MAP3K20: variants seen among roughly 807,000 people sequenced by gnomAD.
MAP3K20 encodes mitogen-activated protein kinase kinase kinase 20.
A neutral mutation model predicts 85.7 loss-of-function variants in MAP3K20; 40 were observed. That is an observed-to-expected ratio of 0.47 (90% confidence interval 0.36 to 0.61). The LOEUF is 0.61. Among genes scored for constraint, MAP3K20 ranks in the 20% least tolerant of loss-of-function variants. MAP3K20 has a pLI of 0.00. For synonymous variants in MAP3K20, 325 were observed against 327.7 expected, an observed-to-expected ratio of 0.99 and a Z score of 0.09; for missense variants, 817 against 961.7, an observed-to-expected ratio of 0.85 and a Z score of 1.99.
intron 2 of MAP3K20, among the ~76,000 whole-genome samples, chr2:173,129,314 C>T (rs572295570): frequency 2.0e-5 from 3 of 152,184 alleles, no homozygotes; most frequent in East Asian, 1.9e-4. Flanking sequence ...CTATGCTAAG[C>T]TCTTGCATGC....
At chr2:173,239,358 G>A (rs1236897727) in intron 15 of MAP3K20, 46 bp from the exon 16 acceptor site, 1 of 1,482,524 alleles carries the variant, frequency 6.7e-7, no homozygotes. Flanking sequence ...TACATGAGAA[G>A]TAAAAACAAC....
At chr2:173,076,485 G>A (rs1012911235) in intron 1 of MAP3K20, among the ~76,000 whole-genome samples, 2 of 152,176 alleles carry the variant, frequency 1.3e-5, no homozygotes, top group African/African-American at 4.8e-5. Context: ...CCCAGCACTC[G>A]CTGTGCGTGC....
At chr2:173,202,937 T>TGTAA (rs1222195193) in intron 8 of MAP3K20, among the ~76,000 whole-genome samples, 2 of 152,244 alleles carry the variant, frequency 1.3e-5, no homozygotes, top group Admixed American at 6.5e-5. Flanking sequence ...TGTGTTTATT[T>TGTAA]GTAAGTTAGA....
intron 11 of MAP3K20, chr2:173,221,735 G>T: frequency 2.4e-6 from 3 of 1,273,280 alleles, no homozygotes; most frequent in Non-Finnish European, 3.0e-6. Flanking sequence ...AGCCAAAGAA[G>T]TATATTTATG....
chr2:173,182,755 G>C, intron 3 of MAP3K20, 99 bp from the exon 4 acceptor site: 1 of 865,402 alleles, frequency 1.2e-6, no homozygotes, highest in South Asian at 2.8e-5. Context: ...GATGTCTTTT[G>C]TTAAATTCTT....
intron 2 of MAP3K20, among the ~76,000 whole-genome samples, chr2:173,110,302 GGA>G (rs1687933380): frequency 8.1e-6 from 1 of 122,992 alleles, no homozygotes; most frequent in African/African-American, 3.2e-5. Context: ...CACCCAGGCT[GGA>G]GTGCAGTGGT....
At chr2:173,140,299 C>A (rs888456826) in intron 2 of MAP3K20, among the ~76,000 whole-genome samples, 1 of 149,374 alleles carries the variant, frequency 6.7e-6, no homozygotes, top group Non-Finnish European at 1.5e-5. Context: ...CATGAGCCAC[C>A]ACGCCCAGCC....
intron 3 of MAP3K20, among the ~76,000 whole-genome samples, chr2:173,179,029 T>C (rs1320219279): frequency 1.3e-5 from 2 of 152,114 alleles, no homozygotes; most frequent in Non-Finnish European, 2.9e-5. Flanking sequence ...AATAAAATCA[T>C]AGAAGATAAA....
At chr2:173,188,921 G>A (rs1690570126) in intron 5 of MAP3K20, among the ~76,000 whole-genome samples, 1 of 152,142 alleles carries the variant, frequency 6.6e-6, no homozygotes, top group African/African-American at 2.4e-5. Context: ...TTTGACTTCA[G>A]TATATCTTAA....
At chr2:173,169,577 G>T (rs1022657689) in intron 2 of MAP3K20, among the ~76,000 whole-genome samples, 1 of 151,922 alleles carries the variant, frequency 6.6e-6, no homozygotes, top group Non-Finnish European at 1.5e-5. Flanking sequence ...TTAATTAGCT[G>T]AGTGTAGTGG....
intron 2 of MAP3K20, among the ~76,000 whole-genome samples, chr2:173,100,763 G>A (rs185713297): frequency 6.6e-6 from 1 of 152,208 alleles, no homozygotes; most frequent in East Asian, 1.9e-4. Flanking sequence ...AATTTTAAAC[G>A]TGTCACTGTG....
chr2:173,185,796 A>G (rs549301186), intron 4 of MAP3K20, among the ~76,000 whole-genome samples: 80 of 152,372 alleles, frequency 5.3e-4, no homozygotes, highest in African/African-American at 1.9e-3. Context: ...CAAGCTAATC[A>G]GCAATGCTTA....
In MAP3K20 at chr2:173,200,775, G is replaced by C. The variant is rs1691029330; in HGVS notation, c.669+2663G>C. 1.3e-5 allele frequency among the ~76,000 whole-genome samples: 2 copies of C among 152,040 alleles called. 1 individual carries two copies. Among genetic ancestry groups the C allele is most frequent in the Non-Finnish European group, 2.9e-5 (2 of 67,992 alleles). ...CCACTGCACTCCAGCCTGGGTGACA[G>C]AGTGACACCCTGACTCAAAAAAGTT... On this transcript the variant is annotated intron_variant, in intron 8 of 19. Transcript: ENST00000375213.
At chr2:173,076,921 T>TA (rs1686879264) in intron 1 of MAP3K20, among the ~76,000 whole-genome samples, 2 of 152,366 alleles carry the variant, frequency 1.3e-5, no homozygotes, top group South Asian at 2.1e-4. Flanking sequence ...TCCGATTGCC[T>TA]AAAAAATTTT....
intron 2 of MAP3K20, among the ~76,000 whole-genome samples, chr2:173,119,339 G>T (rs577735923): frequency 2.0e-4 from 30 of 152,352 alleles, no homozygotes; most frequent in African/African-American, 7.0e-4. Flanking sequence ...GGGGTGCTGG[G>T]AGGCTAAAGC....
chr2:173,173,352 T>C (rs1209217254), intron 3 of MAP3K20, among the ~76,000 whole-genome samples: 2 of 152,010 alleles, frequency 1.3e-5, no homozygotes, highest in African/African-American at 4.8e-5. Flanking sequence ...AAAGAAAGGG[T>C]GGCAGACTGG....
intron 10 of MAP3K20, among the ~76,000 whole-genome samples, chr2:173,213,848 A>G (rs1683987517): frequency 1.3e-5 from 2 of 152,228 alleles, no homozygotes; most frequent in Admixed American, 6.5e-5. Flanking sequence ...GTCTAACTCA[A>G]TATGTAAACT....
Position 173,266,690 on chromosome 2 carries a change from T to C in MAP3K20, c.2343T>C (p.Ser781=). Residue 781 remains serine, a synonymous_variant, in exon 20 of 20, where the codon TCT becomes TCC. Transcript: ENST00000375213. ...VEYRKKPHRP[S]PAKTNKERAR... is the part of the protein sequence containing the mutation. ...ACCGGAAAAAGCCCCACAGGCCATCTCCCGCCAAAACCAATAAAGAGAGAG... is the reference window on the plus strand; with the variant it reads ...ACCGGAAAAAGCCCCACAGGCCATCCCCCGCCAAAACCAATAAAGAGAGAG... 6.3e-7 allele frequency: 1 copy of C among 1,594,698 alleles called. No individual in the cohort carries two copies. Among genetic ancestry groups the C allele is most frequent in the Non-Finnish European group, 8.5e-7 (1 of 1,171,636 alleles).
chr2:173,162,416 T>C (rs1362213558), intron 2 of MAP3K20, among the ~76,000 whole-genome samples: 2 of 152,064 alleles, frequency 1.3e-5, no homozygotes, highest in Non-Finnish European at 2.9e-5. Flanking sequence ...CTGGGCATGG[T>C]GGCTCACACC....
Sources: allele counts gnomAD v4.1 joint callset (sites outside exome capture counted in the v4.1 genomes callset), GRCh38; gene constraint gnomAD v4.1.1; transcripts MANE v1.5; gene names NCBI Gene and HGNC (gene_info 2026-07-23, HGNC 2026-07-21).